Variants in MALRD1 observed in about 807,000 individuals in gnomAD.
The protein encoded by MALRD1 is MAM and LDL receptor class A domain containing 1, also known as MAM and LDL-receptor class A domain-containing protein 1.
In MALRD1, 247 loss-of-function variants were observed where a neutral mutation model predicts 242.1. The ratio of observed to expected loss-of-function variants is 1.02; its 90% CI spans 0.92 to 1.13. The LOEUF (loss-of-function observed/expected upper bound fraction) is 1.13. MALRD1 is among the 50% of genes most tolerant of loss of function. MALRD1 has a pLI of 0.00. For synonymous variants in MALRD1, 995 were observed against 866.6 expected, an observed-to-expected ratio of 1.15 and a Z score of -2.60; for missense variants, 2,989 against 2,533.1, an observed-to-expected ratio of 1.18 and a Z score of -3.86.
At chr10:19,634,500 G>A (rs1840039962) in intron 36 of MALRD1, among the ~76,000 whole-genome samples, 1 of 152,110 alleles carries the variant, frequency 6.6e-6, no homozygotes, top group Admixed American at 6.6e-5. Context: ...TTATTCAAGT[G>A]TAGCAGGTTT....
At position 19,104,024 on chromosome 10, in the gene MALRD1, G is replaced by A. The variant is rs1276847850; in HGVS notation, c.643G>A (p.Val215Ile). The change falls in exon 5 of 40, where the codon GTC becomes ATC. Residue 215 changes from valine to isoleucine, a missense_variant. Transcript: ENST00000454679. Reference protein sequence around the residue: ...QMASTYEQDEVIAIDDISFSS... With the variant: ...QMASTYEQDEIIAIDDISFSS... ...GGCTTCAACGTATGAACAGGATGAA[G>A]TCATTGCTATTGATGATATATCTTT... is the stretch of plus-strand genomic sequence containing the variant. 2 of 1,233,748 alleles carry A rather than the reference G, an allele frequency of 1.6e-6. No individual in the cohort carries two copies. The highest frequency in any genetic ancestry group is 3.1e-5 in the African/African-American group (2 of 64,494). 76.4% of individuals were successfully genotyped at this position (1,233,748 alleles called of 1,614,324 possible).
intron 29 of MALRD1, among the ~76,000 whole-genome samples, chr10:19,471,370 G>A (rs992675332): frequency 4.0e-5 from 6 of 151,876 alleles, no homozygotes; most frequent in African/African-American, 1.2e-4. Context: ...GAAATATGAT[G>A]CCTTTGGCTT....
intron 39 of MALRD1, 132 bp downstream of exon 39, chr10:19,730,913 G>C (rs1245891892): frequency 1.2e-6 from 1 of 842,634 alleles, no homozygotes; most frequent in Non-Finnish European, 1.8e-6. Flanking sequence ...TTTTAGTGGA[G>C]TTATTTCAAT....
chr10:19,532,985 A>G (rs557415351), intron 32 of MALRD1, among the ~76,000 whole-genome samples: 1 of 152,114 alleles, frequency 6.6e-6, no homozygotes, highest in Non-Finnish European at 1.5e-5. Flanking sequence ...TTCTACTGAC[A>G]TTATTAAACA....
At chr10:19,520,298 GGTTT>G (rs1393311740) in intron 31 of MALRD1, among the ~76,000 whole-genome samples, 1 of 151,360 alleles carries the variant, frequency 6.6e-6, no homozygotes, top group East Asian at 1.9e-4. Flanking sequence ...GGTAATCGAT[GGTTT>G]GTTTTCTAAA....
intron 36 of MALRD1, among the ~76,000 whole-genome samples, chr10:19,637,489 C>T (rs1196963336): frequency 6.6e-6 from 1 of 152,156 alleles, no homozygotes; most frequent in African/African-American, 2.4e-5. Flanking sequence ...GAAGCTTTCC[C>T]TTGTGCTCAC....
At chr10:19,159,458 C>T (rs752094627) in intron 12 of MALRD1, among the ~76,000 whole-genome samples, 1 of 151,650 alleles carries the variant, frequency 6.6e-6, no homozygotes, top group Admixed American at 6.6e-5. Context: ...CATAAAGGGT[C>T]TGATGTGAAG....
chr10:19,536,313 C>T lies in MALRD1; in HGVS notation c.5478+4962C>T, dbSNP rs149952814. Reference sequence around the variant, plus strand: ...TTAGGCCATGCTTCCTTAGTTCCAGCTCCCATAGAACATGCCAGAAAAATT... The same window carrying T: ...TTAGGCCATGCTTCCTTAGTTCCAGTTCCCATAGAACATGCCAGAAAAATT... On this transcript the variant is annotated intron_variant, in intron 32 of 39. Coordinates refer to ENST00000454679, the MANE Select transcript of MALRD1 (RefSeq NM_001142308.3). 4.5e-4 allele frequency among the ~76,000 whole-genome samples: 68 copies of T among 151,632 alleles called. 2 individuals carry two copies. In the East Asian group the frequency reaches 0.012, roughly 28 times the overall value.
intron 5 of MALRD1, among the ~76,000 whole-genome samples, chr10:19,105,718 C>T (rs891445954): frequency 6.6e-6 from 1 of 151,978 alleles, no homozygotes; most frequent in Non-Finnish European, 1.5e-5. Context: ...TGATAGTAGC[C>T]ATTCTGACAA....
intron 36 of MALRD1, among the ~76,000 whole-genome samples, chr10:19,642,029 A>G (rs959887374): frequency 6.6e-6 from 1 of 152,214 alleles, no homozygotes; most frequent in Non-Finnish European, 1.5e-5. Flanking sequence ...GATCATTTGG[A>G]GAATATTTCT....
chr10:19,719,223 C>CACATATAT (rs1834602363), intron 38 of MALRD1, among the ~76,000 whole-genome samples: 1 of 76,444 alleles, frequency 1.3e-5, no homozygotes, highest in African/African-American at 5.8e-5. Flanking sequence ...CACATACATA[C>CACATATAT]ATATATATAT....
At chr10:19,440,240 A>G (rs1834558873) in intron 28 of MALRD1, among the ~76,000 whole-genome samples, 1 of 151,964 alleles carries the variant, frequency 6.6e-6, no homozygotes, top group African/African-American at 2.4e-5. Flanking sequence ...TTATGTTTCA[A>G]TTTGTATTAT....
Position 19,058,570 on chromosome 10 carries a change from A to G in MALRD1, c.200-8149A>G, listed in dbSNP as rs141161647. Among the ~76,000 whole-genome samples, 71 of 152,290 alleles carry G rather than the reference A, an allele frequency of 4.7e-4. No individual in the cohort carries two copies. The East Asian group carries it at 6.9e-3, about 15-fold the overall frequency. Reference sequence around the variant, plus strand: ...TTTAAAAGTCAGTAAATTAGAATATATAAATTAAAAGTTTCAGTATATCAA... The same window carrying G: ...TTTAAAAGTCAGTAAATTAGAATATGTAAATTAAAAGTTTCAGTATATCAA... On this transcript the variant is annotated intron_variant, in intron 1 of 39. Transcript: ENST00000454679.
chr10:19,370,788 G>A (rs141170720), intron 26 of MALRD1, among the ~76,000 whole-genome samples: 1 of 151,928 alleles, frequency 6.6e-6, no homozygotes, highest in Admixed American at 6.6e-5. Flanking sequence ...CATTGGTCTG[G>A]CTGGACTCAA....
At chr10:19,272,749 T>C (rs1227788993) in intron 19 of MALRD1, among the ~76,000 whole-genome samples, 1 of 152,144 alleles carries the variant, frequency 6.6e-6, no homozygotes, top group Non-Finnish European at 1.5e-5. Flanking sequence ...GTTCTTGTTG[T>C]TCAACTCCCA....
At chr10:19,258,872 T>A (rs1839629323) in intron 19 of MALRD1, among the ~76,000 whole-genome samples, 1 of 152,168 alleles carries the variant, frequency 6.6e-6, no homozygotes, top group South Asian at 2.1e-4. Context: ...CTGCCACTCC[T>A]GTATACCTCC....
At chr10:19,112,493 G>C (rs1041602994) in intron 5 of MALRD1, among the ~76,000 whole-genome samples, 2 of 152,042 alleles carry the variant, frequency 1.3e-5, no homozygotes, top group African/African-American at 4.8e-5. Flanking sequence ...TATGGAAAAG[G>C]TTCATCACCC....
In MALRD1 at chr10:19,192,411, A is replaced by G. The variant is rs573431627; in HGVS notation, c.1952-11317A>G. ...AGCAAATAAGAAGAGGGCTTGATATACCACTGCTGGTTTAAAGATGTAAGG... is the reference window on the plus strand; with the variant it reads ...AGCAAATAAGAAGAGGGCTTGATATGCCACTGCTGGTTTAAAGATGTAAGG... On this transcript the variant is annotated intron_variant, in intron 14 of 39. Coordinates refer to ENST00000454679, the MANE Select transcript of MALRD1 (RefSeq NM_001142308.3). 4.6e-5 allele frequency among the ~76,000 whole-genome samples: 7 copies of G among 152,310 alleles called. No homozygotes were observed. In the East Asian group the frequency reaches 1.4e-3, roughly 29 times the overall value.
intron 32 of MALRD1, among the ~76,000 whole-genome samples, chr10:19,538,306 G>A (rs1008326246): frequency 1.3e-5 from 2 of 152,096 alleles, no homozygotes; most frequent in African/African-American, 4.8e-5. Flanking sequence ...GTTCACATGG[G>A]CATCAATATC....
Sources: allele counts gnomAD v4.1 joint callset (sites outside exome capture counted in the v4.1 genomes callset), GRCh38; gene constraint gnomAD v4.1.1; transcripts MANE v1.5; gene names NCBI Gene and HGNC (gene_info 2026-07-23, HGNC 2026-07-21).